Variants in EIF3A observed in about 807,000 individuals in gnomAD.
The protein encoded by EIF3A is eukaryotic translation initiation factor 3 subunit A.
EIF3A carries 21 observed loss-of-function variants against 186.6 expected under a neutral mutation model. The ratio of observed to expected loss-of-function variants is 0.11; its 90% CI spans 0.08 to 0.16. EIF3A has a LOEUF of 0.16. Among genes scored for constraint, EIF3A ranks in the 10% least tolerant of loss-of-function variants. The pLI is 1.00. For synonymous variants in EIF3A, 563 were observed against 584.3 expected, an observed-to-expected ratio of 0.96 and a Z score of 0.52; for missense variants, 1,306 against 1,796.3, an observed-to-expected ratio of 0.73 and a Z score of 4.93.
chr10:119,060,132 T>C (rs1438987504), intron 9 of EIF3A: 4 of 501,528 alleles, frequency 8.0e-6, no homozygotes, highest in Non-Finnish European at 1.6e-5. Context: ...GTCAATGAAA[T>C]GTGCACAAAT....
In EIF3A at chr10:119,036,181, G is replaced by A. The variant is rs750568100; in HGVS notation, c.4007C>T (p.Ser1336Leu). 1 of 1,613,408 alleles carries A rather than the reference G, an allele frequency of 6.2e-7. No individual in the cohort carries two copies. The highest frequency in any genetic ancestry group is 2.2e-5 in the East Asian group (1 of 44,860). Residue 1336 changes from serine (S) to leucine (L), a missense_variant, in exon 22 of 22, where the codon TCA becomes TTA. This residue lies in a region of EIF3A where 331 missense variants were observed against 365.8 expected (regional missense o/e 0.90). Transcript: ENST00000369144. ...PPRRVPPPAL[S>L]RDRERDRDRE... is the part of the protein sequence containing the mutation. Reference sequence around the variant, plus strand: ...GTCTCGGTCTCTTTCTCGGTCTCTTGAAAGAGCTGGGGGAGGAACTCGACG... The same window carrying A: ...GTCTCGGTCTCTTTCTCGGTCTCTTAAAAGAGCTGGGGGAGGAACTCGACG...
At position 119,035,307 on chromosome 10, in the gene EIF3A, A is replaced by G. The variant is rs567907143; in HGVS notation, c.*732T>C. On this transcript the variant is annotated 3_prime_UTR_variant, in exon 22 of 22. Transcript: ENST00000369144. ...AATGCTTGAAAGGCATGAATTCTCC[A>G]TTAATGGAAAAGCAGTTTGCTATTG... is the stretch of plus-strand genomic sequence containing the variant. The G allele has an allele frequency of 6.5e-6, 1 of 152,788 alleles. No individual in the cohort carries two copies. The highest frequency in any genetic ancestry group is 1.9e-4 in the East Asian group (1 of 5,184). 9.5% of individuals were successfully genotyped at this position (152,788 alleles called of 1,614,324 possible). A position where few individuals can be genotyped will look rare whatever the true frequency, so the allele number is the denominator to read the frequency against.
At chr10:119,065,707 ATAT>A (rs1843961637) in intron 6 of EIF3A, 137 bp from the exon 7 acceptor site, 2 of 606,798 alleles carry the variant, frequency 3.3e-6, no homozygotes, top group Admixed American at 5.6e-5. Context: ...ATACTCATAA[ATAT>A]TATTCCATCA....
intron 14 of EIF3A, among the ~76,000 whole-genome samples, chr10:119,051,773 G>A (rs1848359639): frequency 6.6e-6 from 1 of 152,148 alleles, no homozygotes; most frequent in Non-Finnish European, 1.5e-5. Flanking sequence ...TTAAAATACT[G>A]TAAGTCAGAT....
intron 7 of EIF3A, among the ~76,000 whole-genome samples, chr10:119,061,794 A>G (rs1244943374): frequency 1.3e-5 from 2 of 152,242 alleles, no homozygotes; most frequent in African/African-American, 4.8e-5. Flanking sequence ...GAACAGCTAC[A>G]TAGAACACAT....
chr10:119,071,214 G>C, intron 4 of EIF3A, 129 bp from the exon 5 acceptor site: 2 of 683,958 alleles, frequency 2.9e-6, no homozygotes, highest in East Asian at 2.7e-5. Flanking sequence ...TAGTCTTTGT[G>C]ATGCAATGAG....
chr10:119,050,195 C>A (rs561810639), intron 16 of EIF3A, among the ~76,000 whole-genome samples: 172 of 152,270 alleles, frequency 1.1e-3, no homozygotes, highest in Non-Finnish European at 1.5e-3. Flanking sequence ...TAGAATCCCT[C>A]CCCCATCCCT....
chr10:119,049,983 G>A lies in EIF3A; in HGVS notation c.2476C>T (p.Arg826Trp), dbSNP rs762663906. Residue 826 changes from arginine (R) to tryptophan (W), a missense_variant and splice_region_variant, in exon 17 of 22, where the codon CGG (arginine) becomes TGG (tryptophan). Physicochemically the swap from Arg to Trp is moderately radical, Grantham distance 101 (BLOSUM62 -3). Transcript: ENST00000369144. ...RRAEEQMLKEREERERAERAK... is the reference protein window; with the variant it reads ...RRAEEQMLKEWEERERAERAK... ...CGTTCGGCGCGCTCTCTCTCTTCCC[G>A]CTCTAGACCATTGATTAGGTTACTA... 5.0e-6 allele frequency: 8 copies of A among 1,613,166 alleles called. No individual in the cohort carries two copies. Among genetic ancestry groups the A allele is most frequent in the South Asian group, 2.2e-5 (2 of 91,006 alleles).
intron 1 of EIF3A, among the ~76,000 whole-genome samples, chr10:119,074,918 CAA>C (rs1170284096): frequency 0.037 from 905 of 24,136 alleles, 3 homozygotes; most frequent in African/African-American, 0.11. Flanking sequence ...AACTCCAACT[CAA>C]AAAAAAAAAA....
At chr10:119,056,065 TCTC>T (rs1257844808) in intron 14 of EIF3A, among the ~76,000 whole-genome samples, 1 of 152,200 alleles carries the variant, frequency 6.6e-6, no homozygotes, top group Non-Finnish European at 1.5e-5. Context: ...AAGGCTGCAT[TCTC>T]CTATCACACC....
chr10:119,037,124 T>G lies in EIF3A; in HGVS notation c.3914A>C (p.Glu1305Ala). The G allele has an allele frequency of 7.0e-7, 1 of 1,434,488 alleles. No homozygotes were observed. The highest frequency in any genetic ancestry group is 9.4e-7 in the Non-Finnish European group (1 of 1,067,196). 88.9% of individuals were successfully genotyped at this position (1,434,488 alleles called of 1,614,324 possible). ...RRGPPLRSER[E>A]EVSSWRRADD... ...GTTGTATGTAACCTCTATACCTTCT[T>G]CACGTTCTGATCTGAGTGGAGGTCC... is the stretch of plus-strand genomic sequence containing the variant. The change falls in exon 21 of 22, where the codon GAA becomes GCA. Residue 1305 changes from glutamate to alanine, a missense_variant. Glu to Ala is a moderately radical substitution (Grantham distance 107). Transcript: ENST00000369144.
At chr10:119,078,825 A>G (rs1464766700) in intron 1 of EIF3A, among the ~76,000 whole-genome samples, 1 of 152,188 alleles carries the variant, frequency 6.6e-6, no homozygotes, top group Non-Finnish European at 1.5e-5. Flanking sequence ...TGCACATTAC[A>G]TATCTTTTCT....
At position 119,066,128 on chromosome 10, in the gene EIF3A, A is replaced by G. The variant is rs1843974093; in HGVS notation, c.951-558T>C. On this transcript the variant is annotated intron_variant, in intron 6 of 21. Transcript: ENST00000369144. ...CAGACTCTGTCTCAAAAAAGAAAAAAAAAGAAAGAAAAAGATTGTGATTAA... is the reference window on the plus strand; with the variant it reads ...CAGACTCTGTCTCAAAAAAGAAAAAGAAAGAAAGAAAAAGATTGTGATTAA... 1.3e-5 allele frequency among the ~76,000 whole-genome samples: 2 copies of G among 151,636 alleles called. 1 individual carries two copies. Among genetic ancestry groups the G allele is most frequent in the South Asian group, 4.2e-4 (2 of 4,812 alleles).
chr10:119,065,527 T>C lies in EIF3A; in HGVS notation c.994A>G (p.Thr332Ala). Residue 332 changes from threonine (T) to alanine (A), a missense_variant, in exon 7 of 22, where the codon ACT (threonine) becomes GCT (alanine). Around this residue, in one of 8 missense-constraint regions of EIF3A, gnomAD observed 267 missense variants for 367.8 expected, o/e 0.73. Transcript: ENST00000369144. ...VLLATLSIPITPERTDIARLL... is the reference protein window; with the variant it reads ...VLLATLSIPIAPERTDIARLL... ...CGAGCAATATCCGTACGCTCAGGAGTAATAGGGATGGAAAGAGTGGCTAAA... is the reference window on the plus strand; with the variant it reads ...CGAGCAATATCCGTACGCTCAGGAGCAATAGGGATGGAAAGAGTGGCTAAA... 6.2e-7 allele frequency: 1 copy of C among 1,612,886 alleles called. No individual in the cohort carries two copies. Among genetic ancestry groups the C allele is most frequent in the Non-Finnish European group, 8.5e-7 (1 of 1,179,082 alleles).
chr10:119,051,414 T>TG (rs1414204916), intron 14 of EIF3A, 93 bp from the exon 15 acceptor site: 7 of 1,239,100 alleles, frequency 5.6e-6, no homozygotes, highest in Non-Finnish European at 6.6e-6. Context: ...AATTAGAAGC[T>TG]GCTCCACTGC....
chr10:119,077,193 G>A (rs747070372), intron 1 of EIF3A, among the ~76,000 whole-genome samples: 11 of 152,124 alleles, frequency 7.2e-5, no homozygotes, highest in Non-Finnish European at 1.3e-4. Flanking sequence ...AGCCAGGCGC[G>A]GTGGCTCACG....
intron 1 of EIF3A, among the ~76,000 whole-genome samples, chr10:119,076,937 CA>C (rs71016536): frequency 1.9e-4 from 24 of 123,452 alleles, no homozygotes; most frequent in African/African-American, 5.5e-4. Context: ...GACTCTGTCT[CA>C]AAAAAAAAAA....
At chr10:119,050,425 C>T in intron 16 of EIF3A, 96 bp downstream of exon 16, 1 of 1,290,788 alleles carries the variant, frequency 7.7e-7, no homozygotes, top group South Asian at 1.5e-5. Flanking sequence ...AGGCCAATTA[C>T]CTTGATTCCT....
intron 6 of EIF3A, among the ~76,000 whole-genome samples, chr10:119,067,460 G>T (rs1589694219): frequency 6.6e-6 from 1 of 152,046 alleles, no homozygotes; most frequent in African/African-American, 2.4e-5. Context: ...ACGTGGTCGC[G>T]CTCGCCTGTA....
Sources: gnomAD v4.1 joint callset for allele counts (sites outside exome capture counted in the v4.1 genomes callset) on GRCh38, gnomAD v4.1.1 for gene constraint, gnomAD v4.1.1 regional missense constraint, MANE v1.5 for transcripts, NCBI Gene and HGNC (gene_info 2026-07-23, HGNC 2026-07-21) for gene names.